The following AFDN variants were observed in gnomAD, a reference collection of about 807,000 sequenced individuals.
AFDN encodes afadin, adherens junction formation factor.
AFDN carries 68 observed loss-of-function variants against 216.6 expected under a neutral mutation model. The observed-to-expected ratio is 0.31, with a 90% CI of 0.26 to 0.38. AFDN has a LOEUF of 0.38. AFDN is among the 10% of genes least tolerant of loss of function. The pLI is 1.00. For missense variants in AFDN, 2,136 were observed against 2,342.0 expected, an observed-to-expected ratio of 0.91 and a Z score of 1.82; for synonymous variants, 868 against 853.7, an observed-to-expected ratio of 1.02 and a Z score of -0.29.
At chr6:167,921,458 A>G (rs1791793596) in intron 21 of AFDN, among the ~76,000 whole-genome samples, 1 of 152,202 alleles carries the variant, frequency 6.6e-6, no homozygotes, top group Non-Finnish European at 1.5e-5. Flanking sequence ...CAGTGTTTTT[A>G]ATGCTTCACA....
At chr6:167,888,016 A>C (rs1159755247) in intron 6 of AFDN, among the ~76,000 whole-genome samples, 1 of 152,280 alleles carries the variant, frequency 6.6e-6, no homozygotes, top group South Asian at 2.1e-4. Context: ...ATTAGACATG[A>C]AAGTTGGGGC....
intron 8 of AFDN, among the ~76,000 whole-genome samples, chr6:167,892,948 A>G (rs1787790952): frequency 1.3e-5 from 2 of 151,994 alleles, no homozygotes; most frequent in Non-Finnish European, 2.9e-5. Flanking sequence ...GCATTCACTG[A>G]CCCTTCTACT....
intron 13 of AFDN, among the ~76,000 whole-genome samples, chr6:167,907,796 G>A (rs1244386230): frequency 1.3e-5 from 2 of 148,370 alleles, no homozygotes; most frequent in Admixed American, 6.7e-5. Context: ...TTTTTTTTCT[G>A]ACATTGTTCT....
At chr6:167,853,895 ATT>A (rs777517050) in intron 1 of AFDN, among the ~76,000 whole-genome samples, 253 of 152,112 alleles carry the variant, frequency 1.7e-3, no homozygotes, top group Non-Finnish European at 2.9e-3. Flanking sequence ...CTGCTGGATC[ATT>A]TTCAAACATT....
chr6:167,952,193 G>C lies in AFDN; in HGVS notation c.4833+6G>C, dbSNP rs369910531. On this transcript the variant is annotated splice_donor_region_variant and intron_variant, in intron 30 of 33. Coordinates refer to ENST00000683244, the MANE Select transcript of AFDN (RefSeq NM_001386888.1). Reference sequence around the variant, plus strand: ...AGGCTGAACGAAGAGCGAGGGTAAAGGGGGGAGTGCTTTGGCTGTGCCCAT... The same window carrying C: ...AGGCTGAACGAAGAGCGAGGGTAAACGGGGGAGTGCTTTGGCTGTGCCCAT... The C allele has an allele frequency of 5.5e-5, 89 of 1,613,952 alleles. 1 individual carries two copies. The East Asian group carries it at 6.2e-4, about 11-fold the overall frequency.
At chr6:167,925,831 C>T (rs984612354) in intron 23 of AFDN, among the ~76,000 whole-genome samples, 1 of 152,180 alleles carries the variant, frequency 6.6e-6, no homozygotes, top group African/African-American at 2.4e-5. Flanking sequence ...AGCTTTGAAT[C>T]ATATTTAGAT....
chr6:167,864,016 C>T (rs2128226602), intron 1 of AFDN, among the ~76,000 whole-genome samples: 1 of 151,988 alleles, frequency 6.6e-6, no homozygotes, highest in African/African-American at 2.4e-5. Context: ...CCAACATTTC[C>T]CTCTTGCTTT....
At chr6:167,939,647 A>C (rs953727896) in intron 23 of AFDN, among the ~76,000 whole-genome samples, 1 of 152,230 alleles carries the variant, frequency 6.6e-6, no homozygotes, top group Non-Finnish European at 1.5e-5. Context: ...TCCGTGAATG[A>C]AATTGTCGTT....
intron 32 of AFDN, among the ~76,000 whole-genome samples, chr6:167,966,734 C>T (rs1797603465): frequency 2.0e-5 from 3 of 152,166 alleles, no homozygotes; most frequent in African/African-American, 7.2e-5. Context: ...ATTAAGTAGC[C>T]TGTGGAATAG....
chr6:167,893,861 G>T lies in AFDN; in HGVS notation c.1178-1G>T. The stretch of plus-strand genomic sequence containing the variant: ...GGTCCTGGCATGTGTCTTAACCCCA[G>T]GGAGAAGGAATCACTTTGCCTACTA... On this transcript the variant is annotated splice_acceptor_variant, in intron 8 of 33. Coordinates refer to ENST00000683244, the MANE Select transcript of AFDN (RefSeq NM_001386888.1). LOFTEE classifies it high-confidence loss of function. The T allele has an allele frequency of 6.3e-7, 1 of 1,586,098 alleles. No homozygotes were observed. The highest frequency in any genetic ancestry group is 1.2e-5 in the South Asian group (1 of 86,708).
intron 32 of AFDN, among the ~76,000 whole-genome samples, chr6:167,968,188 A>G (rs1252461571): frequency 6.6e-6 from 1 of 152,198 alleles, no homozygotes; most frequent in African/African-American, 2.4e-5. Context: ...TGGAACTAAA[A>G]TTGAAAAAAA....
At chr6:167,852,398 G>C (rs1001160556) in intron 1 of AFDN, among the ~76,000 whole-genome samples, 2 of 152,266 alleles carry the variant, frequency 1.3e-5, no homozygotes, top group East Asian at 3.9e-4. Context: ...CTTTTACAGG[G>C]TGGTAGTGGT....
At chr6:167,849,579 G>A (rs545776814) in intron 1 of AFDN, among the ~76,000 whole-genome samples, 1 of 152,100 alleles carries the variant, frequency 6.6e-6, no homozygotes, top group Non-Finnish European at 1.5e-5. Flanking sequence ...CTGTCTTTGA[G>A]TTCATGCCTA....
At chr6:167,862,892 A>C (rs1383532794) in intron 1 of AFDN, among the ~76,000 whole-genome samples, 1 of 152,204 alleles carries the variant, frequency 6.6e-6, no homozygotes, top group Non-Finnish European at 1.5e-5. Flanking sequence ...CCTTTACTCC[A>C]GAATCTATGG....
At chr6:167,880,646 T>A (rs1785996882) in intron 6 of AFDN, 129 bp downstream of exon 6, 1 of 880,366 alleles carries the variant, frequency 1.1e-6, no homozygotes, top group East Asian at 2.6e-5. Context: ...ACAAATCATG[T>A]GCTAAATATA....
At chr6:167,911,197 T>C (rs773527079) in intron 14 of AFDN, 35 bp downstream of exon 14, 2 of 1,606,554 alleles carry the variant, frequency 1.2e-6, no homozygotes, top group Non-Finnish European at 1.7e-6. Flanking sequence ...CAATGAATTA[T>C]TTCTTGATCC....
chr6:167,924,890 C>G (rs1562684313), intron 22 of AFDN, 115 bp from the exon 23 acceptor site: 2 of 801,780 alleles, frequency 2.5e-6, no homozygotes, highest in Non-Finnish European at 4.5e-6. Context: ...TCTTCTCATC[C>G]TTTTTCTTTC....
At chr6:167,918,976 T>C in intron 21 of AFDN, 43 bp downstream of exon 21, 1 of 1,525,380 alleles carries the variant, frequency 6.6e-7, no homozygotes, top group Non-Finnish European at 9.0e-7. Context: ...CGCCCCAGGT[T>C]GAAGCGAGCA....
Position 167,870,494 on chromosome 6 carries a change from C to A in AFDN, c.410C>A (p.Pro137His). 6.3e-7 allele frequency: 1 copy of A among 1,598,374 alleles called. No homozygotes were observed. The highest frequency in any genetic ancestry group is 8.6e-7 in the Non-Finnish European group (1 of 1,168,128). Residue 137 changes from proline to histidine, a missense_variant, in exon 3 of 34, where the codon CCT (proline) becomes CAT (histidine). Around this residue, in one of 8 missense-constraint regions of AFDN, gnomAD observed 817 missense variants for 965.7 expected, o/e 0.85. Transcript: ENST00000683244. ...VLKNENDAIP[P>H]KKAQSNGPEK... Reference sequence around the variant, plus strand: ...AAGAATGAGAATGACGCCATTCCTCCTAAGGTAGGAACCCTCAGTATTTTA... The same window carrying A: ...AAGAATGAGAATGACGCCATTCCTCATAAGGTAGGAACCCTCAGTATTTTA...
Sources: gnomAD v4.1 joint callset for allele counts (sites outside exome capture counted in the v4.1 genomes callset) on GRCh38, gnomAD v4.1.1 for gene constraint, gnomAD v4.1.1 regional missense constraint, MANE v1.5 for transcripts, NCBI Gene and HGNC (gene_info 2026-07-23, HGNC 2026-07-21) for gene names.